The following GRIA3 variants were observed in gnomAD, a reference collection of about 807,000 sequenced individuals.
GRIA3 encodes glutamate receptor 3.
Under a neutral mutation model 63.0 loss-of-function variants are expected in GRIA3, and 3 were observed. The observed-to-expected ratio is 0.05, with a 90% CI of 0.02 to 0.12. The LOEUF (loss-of-function observed/expected upper bound fraction) is 0.12, where lower values mean the gene tolerates loss of function less well. Ranked by LOEUF, GRIA3 falls within the 10% of genes least tolerant of loss-of-function variation. GRIA3 has a pLI of 1.00. For synonymous variants in GRIA3, 274 were observed against 257.9 expected, an observed-to-expected ratio of 1.06 and a Z score of -0.60; for missense variants, 347 against 700.9, an observed-to-expected ratio of 0.50 and a Z score of 5.70.
intron 9 of GRIA3, 122 bp downstream of exon 9, chrX:123,403,641 C>T: frequency 1.8e-6 from 1 of 548,156 alleles, no homozygotes; most frequent in Non-Finnish European, 3.2e-6. Context: ...AACAGGGAAG[C>T]TCAGGAAACT....
chrX:123,485,713 C>G (rs971244935), intron 15 of GRIA3, among the ~76,000 whole-genome samples: 1 of 111,873 alleles, frequency 8.9e-6, no homozygotes, highest in Non-Finnish European at 1.9e-5. Context: ...CATCAAGGCT[C>G]AGGGTCACAT....
chrX:123,401,854 G>T (rs1472730839), intron 7 of GRIA3, among the ~76,000 whole-genome samples: 2 of 111,941 alleles, frequency 1.8e-5, no homozygotes, highest in Non-Finnish European at 3.8e-5. Context: ...CTTTCTCTTT[G>T]AAGCAAAGTC....
chrX:123,255,978 C>A (rs1397858298), intron 3 of GRIA3, among the ~76,000 whole-genome samples: 1 of 111,367 alleles, frequency 9.0e-6, no homozygotes, highest in Admixed American at 9.6e-5. Context: ...AACCAACTAA[C>A]AAACCCATTC....
At chrX:123,289,112 CT>C (rs990484986) in intron 3 of GRIA3, among the ~76,000 whole-genome samples, 2 of 111,263 alleles carry the variant, frequency 1.8e-5, no homozygotes, top group Non-Finnish European at 3.8e-5. Context: ...ACTTCATGTC[CT>C]TTTCAGGGAC....
At chrX:123,223,066 C>T (rs538928247) in intron 2 of GRIA3, among the ~76,000 whole-genome samples, 6 of 112,604 alleles carry the variant, frequency 5.3e-5, no homozygotes, top group Non-Finnish European at 1.1e-4. Flanking sequence ...ATCTGGCCTG[C>T]CCTGCTTCCA....
chrX:123,316,244 G>T, intron 3 of GRIA3, among the ~76,000 whole-genome samples: 1 of 110,930 alleles, frequency 9.0e-6, no homozygotes. Flanking sequence ...GTTGGACAAA[G>T]GAAATAAACA....
chrX:123,369,335 C>A (rs1177423237), intron 5 of GRIA3, among the ~76,000 whole-genome samples: 2 of 112,203 alleles, frequency 1.8e-5, no homozygotes, highest in East Asian at 5.6e-4. Context: ...GGCAAAACAT[C>A]TCTCTTTTTT....
intron 3 of GRIA3, among the ~76,000 whole-genome samples, chrX:123,270,160 A>G (rs1400749434): frequency 8.9e-6 from 1 of 111,970 alleles, no homozygotes; most frequent in East Asian, 2.8e-4. Flanking sequence ...ACTACTAGGA[A>G]TTGGGAGGAA....
chrX:123,253,590 T>C, intron 3 of GRIA3, 48 bp downstream of exon 3: 1 of 1,115,190 alleles, frequency 9.0e-7, no homozygotes, highest in Non-Finnish European at 1.2e-6. Context: ...TGTAATTGTG[T>C]TCAAACTTCC....
chrX:123,438,353 G>A (rs1338088385), intron 12 of GRIA3, among the ~76,000 whole-genome samples: 4 of 112,093 alleles, frequency 3.6e-5, no homozygotes, highest in Non-Finnish European at 7.5e-5. Context: ...GTATGTATAT[G>A]CCACATTTTG....
chrX:123,363,459 C>T (rs1293476905), intron 5 of GRIA3, among the ~76,000 whole-genome samples: 1 of 112,397 alleles, frequency 8.9e-6, no homozygotes, highest in Non-Finnish European at 1.9e-5. Context: ...AAGTGAAATT[C>T]AGTATGTGAA....
intron 13 of GRIA3, among the ~76,000 whole-genome samples, chrX:123,479,328 A>G (rs953314623): frequency 8.9e-6 from 1 of 112,387 alleles, no homozygotes. Context: ...GCCAATCAGT[A>G]ACTCAAAAAC....
chrX:123,445,696 T>C (rs1339026334), intron 12 of GRIA3, among the ~76,000 whole-genome samples: 1 of 112,364 alleles, frequency 8.9e-6, no homozygotes, highest in Non-Finnish European at 1.9e-5. Context: ...TCACAACTGA[T>C]GAAAGCAATA....
chrX:123,334,478 T>C (rs1326818803), intron 4 of GRIA3, among the ~76,000 whole-genome samples: 1 of 111,583 alleles, frequency 9.0e-6, no homozygotes, highest in Non-Finnish European at 1.9e-5. Context: ...ACTTTTTCAA[T>C]AACATTACTT....
At chrX:123,428,694 T>C (rs921795510) in intron 12 of GRIA3, among the ~76,000 whole-genome samples, 2 of 111,986 alleles carry the variant, frequency 1.8e-5, no homozygotes, top group African/African-American at 6.5e-5. Flanking sequence ...CAGCTGATAA[T>C]TGTTTTAATT....
At chrX:123,283,622 GC>G (rs1209518352) in intron 3 of GRIA3, among the ~76,000 whole-genome samples, 4 of 111,458 alleles carry the variant, frequency 3.6e-5, no homozygotes, top group Non-Finnish European at 5.7e-5. Context: ...TGTAAACAAA[GC>G]CACCTGGGAA....
In GRIA3 at chrX:123,358,573, A is replaced by G. The variant is rs925333166; in HGVS notation, c.750+3610A>G. On this transcript the variant is annotated intron_variant, in intron 5 of 15. Coordinates refer to ENST00000620443, the MANE Select transcript of GRIA3 (RefSeq NM_007325.5). Reference sequence around the variant, plus strand: ...GAAGATTTCACCAGGAGTACAACCCAGAGATGTGATCTACTCAGGCTAGAA... The same window carrying G: ...GAAGATTTCACCAGGAGTACAACCCGGAGATGTGATCTACTCAGGCTAGAA... The G allele has an allele frequency of 1.7e-4, 19 of 112,606 alleles. 1 individual carries two copies. Among genetic ancestry groups the G allele is most frequent in the Admixed American group, 1.3e-3 (14 of 10,663 alleles). 9.3% of individuals were successfully genotyped at this position (112,606 alleles called of 1,213,427 possible). A position where few individuals can be genotyped will look rare whatever the true frequency, so the allele number is the denominator to read the frequency against.
intron 13 of GRIA3, among the ~76,000 whole-genome samples, chrX:123,467,098 T>G (rs1263699329): frequency 1.8e-5 from 2 of 112,674 alleles, no homozygotes; most frequent in African/African-American, 6.4e-5. Flanking sequence ...CTAACTGAAT[T>G]GCCCCTTCAG....
intron 2 of GRIA3, among the ~76,000 whole-genome samples, chrX:123,229,156 G>A (rs1423947222): frequency 9.0e-6 from 1 of 111,268 alleles, no homozygotes; most frequent in African/African-American, 3.3e-5. Context: ...CCCTACTCTT[G>A]CAGATAGAAA....
Sources: gnomAD v4.1 joint callset for allele counts (sites outside exome capture counted in the v4.1 genomes callset) on GRCh38, gnomAD v4.1.1 for gene constraint, MANE v1.5 for transcripts, NCBI Gene and HGNC (gene_info 2026-07-23, HGNC 2026-07-21) for gene names.